The following PHACTR2 variants were observed in gnomAD, a reference collection of about 807,000 sequenced individuals.
The protein encoded by PHACTR2 is phosphatase and actin regulator 2.
In PHACTR2, 30 loss-of-function variants were observed where a neutral mutation model predicts 76.0. The observed-to-expected ratio is 0.39, with a 90% confidence interval of 0.30 to 0.54. The LOEUF is 0.54. PHACTR2 is among the 20% of genes least tolerant of loss of function. PHACTR2 has a pLI of 0.61. For missense variants in PHACTR2, 696 were observed against 781.1 expected (o/e 0.89, Z 1.30); for synonymous variants, 292 against 292.5 (o/e 1.00, Z 0.02).
chr6:143,692,630 C>A (rs1428712433), intron 1 of PHACTR2, among the ~76,000 whole-genome samples: 1 of 152,158 alleles, frequency 6.6e-6, no homozygotes, highest in Non-Finnish European at 1.5e-5. Flanking sequence ...CACACGTATA[C>A]CTCATTTTCC....
chr6:143,626,280 G>A (rs1459189479), intron 1 of PHACTR2, among the ~76,000 whole-genome samples: 3 of 152,106 alleles, frequency 2.0e-5, no homozygotes, highest in Admixed American at 6.5e-5. Flanking sequence ...GCTCACGCCC[G>A]TAATCCCAGC....
rs1012568444 is a variant in PHACTR2, at chr6:143,585,534, C to T, written c.217+48327C>T. On this transcript the variant is annotated intron_variant, in intron 1 of 11. Coordinates refer to the PHACTR2 transcript ENST00000367584. The surrounding 1 kb of genome is among the most constrained non-coding windows in gnomAD (Gnocchi z 5.2). Reference sequence around the variant, plus strand: ...AGAGCTGCCAGTGCCGCATACCAAGCAGGAGGCCATACTGTGGCCCTGTAG... The same window carrying T: ...AGAGCTGCCAGTGCCGCATACCAAGTAGGAGGCCATACTGTGGCCCTGTAG... 6.6e-6 allele frequency among the ~76,000 whole-genome samples: 1 copy of T among 152,134 alleles called. No individual in the cohort carries two copies. The highest frequency in any genetic ancestry group is 1.5e-5 in the Non-Finnish European group (1 of 68,036).
chr6:143,604,589 A>G (rs569451669), upstream of PHACTR2, among the ~76,000 whole-genome samples: 1 of 152,270 alleles, frequency 6.6e-6, no homozygotes, highest in African/African-American at 2.4e-5. Flanking sequence ...AGGAAAGTTA[A>G]GAAGTAATGT....
Position 143,736,656 on chromosome 6 carries a change from G to T in PHACTR2, c.215-12329G>T, listed in dbSNP as rs542839588. ...GTGGCAAGATCTCGGCTCACTGCAAGCCCCGCCTCCCAGGTTCAAGCCATT... is the reference window on the plus strand; with the variant it reads ...GTGGCAAGATCTCGGCTCACTGCAATCCCCGCCTCCCAGGTTCAAGCCATT... On this transcript the variant is annotated intron_variant, in intron 2 of 12. Transcript: ENST00000440869. 6.0e-3 allele frequency among the ~76,000 whole-genome samples: 738 copies of T among 122,634 alleles called. 5 individuals are homozygous for T. The highest frequency in any genetic ancestry group is 0.022 in the African/African-American group (705 of 32,590). 80.5% of individuals were successfully genotyped at this position (122,634 alleles called of 152,430 possible).
At chr6:143,740,436 G>C (rs966152218) in intron 2 of PHACTR2, among the ~76,000 whole-genome samples, 1 of 149,298 alleles carries the variant, frequency 6.7e-6, no homozygotes, top group Non-Finnish European at 1.5e-5. Flanking sequence ...ATTCAAGATG[G>C]AGTTGCTCTG....
In PHACTR2 at chr6:143,696,467, C is replaced by T. The variant is rs1432056153; in HGVS notation, c.47-15549C>T. The stretch of plus-strand genomic sequence containing the variant: ...AAAACCTCTTATCAGCCTTTTTCCA[C>T]TTGCTTACATGTATTATCTCTATTA... On this transcript the variant is annotated intron_variant, in intron 1 of 12. Transcript: ENST00000440869. The surrounding 1 kb of genome is among the most constrained non-coding windows in gnomAD (Gnocchi z 4.1). 3.3e-5 allele frequency among the ~76,000 whole-genome samples: 5 copies of T among 152,158 alleles called. No individual in the cohort carries two copies. The highest frequency in any genetic ancestry group is 1.2e-4 in the African/African-American group (5 of 41,436).
chr6:143,772,537 A>AT lies in PHACTR2; in HGVS notation c.1432+82dup. ...GCAGTTTATAAAGAATAAAAGCCTC[A>AT]TTAGGAACCAGACATCTGATGTTTT... On this transcript the variant is annotated intron_variant, in intron 7 of 12. Transcript: ENST00000440869. This position sits in a 1 kb window ranked among gnomAD's most constrained non-coding sequence, Gnocchi z 5.4. The AT allele has an allele frequency of 1.0e-6, 1 of 967,602 alleles. No homozygotes were observed. The highest frequency in any genetic ancestry group is 1.4e-5 in the South Asian group (1 of 69,638). 59.9% of individuals were successfully genotyped at this position (967,602 alleles called of 1,614,324 possible). A position where few individuals can be genotyped will look rare whatever the true frequency, so the allele number is the denominator to read the frequency against.
chr6:143,755,172 A>G lies in PHACTR2; in HGVS notation c.454+1260A>G, dbSNP rs1397347432. On this transcript the variant is annotated intron_variant, in intron 4 of 12. Transcript: ENST00000440869. This position sits in a 1 kb window ranked among gnomAD's most constrained non-coding sequence, Gnocchi z 5.2. ...ATGTACACAAATTATGAAATTAACT[A>G]ATACTTTCAATGATAATATTCCTGG... The G allele has an allele frequency of 6.9e-6, 3 of 433,066 alleles. No homozygotes were observed. Among genetic ancestry groups the G allele is most frequent in the African/African-American group, 2.0e-5 (1 of 49,444 alleles). The allele number at this position is 433,066 out of a possible 1,614,324, so 26.8% of individuals were successfully genotyped here. A position where few individuals can be genotyped will look rare whatever the true frequency, so the allele number is the denominator to read the frequency against.
rs1778877338 is a variant in PHACTR2 at position 143,738,876 on chromosome 6, A to G, written c.215-10109A>G. On this transcript the variant is annotated intron_variant, in intron 2 of 12. Transcript: ENST00000440869. This position sits in a 1 kb window ranked among gnomAD's most constrained non-coding sequence, Gnocchi z 4.0. ...ATCTTGCTTGCTGTTGACTGATGAA[A>G]TGAGATATTATCCCATCTTGATCAA... Among the ~76,000 whole-genome samples the G allele has an allele frequency of 6.6e-6, 1 of 152,238 alleles. No individual in the cohort carries two copies. The highest frequency in any genetic ancestry group is 2.1e-4 in the South Asian group (1 of 4,836).
intron 1 of PHACTR2, among the ~76,000 whole-genome samples, chr6:143,572,522 T>G (rs892891220): frequency 6.6e-6 from 1 of 152,212 alleles, no homozygotes; most frequent in Non-Finnish European, 1.5e-5. Context: ...TTTTTTTGTT[T>G]GTTTGTTTTT....
In PHACTR2 at chr6:143,537,378, T is replaced by A. The variant is rs931154074; in HGVS notation, c.217+171T>A. Among the ~76,000 whole-genome samples the A allele has an allele frequency of 1.3e-5, 2 of 151,892 alleles. No individual in the cohort carries two copies. Among genetic ancestry groups the A allele is most frequent in the Non-Finnish European group, 2.9e-5 (2 of 67,930 alleles). ...CTGAACTCCCCACACTGCCGCCTCC[T>A]CGGCCGCCCGGGCTCGGCGACCCTA... On this transcript the variant is annotated intron_variant, in intron 1 of 11. Coordinates refer to the PHACTR2 transcript ENST00000367584. This position sits in a 1 kb window ranked among gnomAD's most constrained non-coding sequence, Gnocchi z 4.4.
At chr6:143,713,912 G>T (rs966518596) in intron 2 of PHACTR2, among the ~76,000 whole-genome samples, 9 of 152,144 alleles carry the variant, frequency 5.9e-5, no homozygotes, top group Non-Finnish European at 1.3e-4. Flanking sequence ...CGTAACGTAC[G>T]AAAACGAACA....
rs1775455778 is a variant in PHACTR2, at chr6:143,782,550, A to G, written c.1646-669A>G. 6.6e-6 allele frequency among the ~76,000 whole-genome samples: 1 copy of G among 152,226 alleles called. No homozygotes were observed. The highest frequency in any genetic ancestry group is 2.4e-5 in the African/African-American group (1 of 41,460). On this transcript the variant is annotated intron_variant, in intron 9 of 12. Coordinates refer to ENST00000440869, the MANE Select transcript of PHACTR2 (RefSeq NM_001100164.2). The surrounding 1 kb of genome is among the most constrained non-coding windows in gnomAD (Gnocchi z 4.6). ...CTGTTGGGCAGCATAAAATCGTACT[A>G]CTTGGTGAATCACTAGAGAACGAGA...
At chr6:143,690,543 A>G (rs1777620726) in intron 1 of PHACTR2, among the ~76,000 whole-genome samples, 1 of 152,072 alleles carries the variant, frequency 6.6e-6, no homozygotes, top group African/African-American at 2.4e-5. Context: ...CTTGGTCGAG[A>G]GCTTGGCTGG....
chr6:143,687,627 A>G (rs1777553568), intron 1 of PHACTR2, among the ~76,000 whole-genome samples: 2 of 152,352 alleles, frequency 1.3e-5, no homozygotes, highest in Admixed American at 1.3e-4. Flanking sequence ...GGTCGGTCTA[A>G]CCATTATCAT....
In PHACTR2 at chr6:143,696,825, G is replaced by A. The variant is rs1325268838; in HGVS notation, c.47-15191G>A. On this transcript the variant is annotated intron_variant, in intron 1 of 12. Transcript: ENST00000440869. The surrounding 1 kb of genome is among the most constrained non-coding windows in gnomAD (Gnocchi z 4.1). ...CTAAGTGTCAGCCCTCTCTCCACTTGTGTTTGCTCCCCTTAGGGTACTGTT... is the reference window on the plus strand; with the variant it reads ...CTAAGTGTCAGCCCTCTCTCCACTTATGTTTGCTCCCCTTAGGGTACTGTT... 2.6e-5 allele frequency among the ~76,000 whole-genome samples: 4 copies of A among 152,168 alleles called. No individual in the cohort carries two copies. Among genetic ancestry groups the A allele is most frequent in the Non-Finnish European group, 5.9e-5 (4 of 68,034 alleles).
rs1206544598 is a variant in PHACTR2 at position 143,672,302 on chromosome 6, T to A, written c.14-39714T>A. ...CCTATCTCTACAAAAAAAAAAAAAA[T>A]TACAAATAATTAGCTGGGCATGGTG... On this transcript the variant is annotated intron_variant, in intron 1 of 11. Transcript: ENST00000305766. This position sits in a 1 kb window ranked among gnomAD's most constrained non-coding sequence, Gnocchi z 5.8. Among the ~76,000 whole-genome samples the A allele has an allele frequency of 4.2e-4, 63 of 148,726 alleles. No homozygotes were observed. The highest frequency in any genetic ancestry group is 1.3e-4 in the Admixed American group (2 of 14,954).
chr6:143,783,873 G>C lies in PHACTR2; in HGVS notation c.1707+593G>C, dbSNP rs1297506361. Among the ~76,000 whole-genome samples the C allele has an allele frequency of 6.6e-6, 1 of 151,844 alleles. No homozygotes were observed. Among genetic ancestry groups the C allele is most frequent in the East Asian group, 1.9e-4 (1 of 5,188 alleles). ...TATTTCCATTTTAAAAAATTGTTTT[G>C]AGTCAGGTGCAATGGCACGCACCTG... On this transcript the variant is annotated intron_variant, in intron 10 of 12. Transcript: ENST00000440869. The surrounding 1 kb of genome is among the most constrained non-coding windows in gnomAD (Gnocchi z 5.2).
Position 143,597,055 on chromosome 6 carries a change from C to A in PHACTR2, c.217+59848C>A, listed in dbSNP as rs893574917. Among the ~76,000 whole-genome samples, 3 of 152,194 alleles carry A rather than the reference C, an allele frequency of 2.0e-5. No homozygotes were observed. Among genetic ancestry groups the A allele is most frequent in the Non-Finnish European group, 4.4e-5 (3 of 68,036 alleles). On this transcript the variant is annotated intron_variant, in intron 1 of 11. Transcript: ENST00000367584. This position sits in a 1 kb window ranked among gnomAD's most constrained non-coding sequence, Gnocchi z 5.7. ...CTGCTCCCAGTATGCACATCAAGGT[C>A]ACATTCTTCTGCTCTATACTCTGGA... is the stretch of plus-strand genomic sequence containing the variant.
Sources: allele counts gnomAD v4.1 joint callset (sites outside exome capture counted in the v4.1 genomes callset), GRCh38; gene constraint gnomAD v4.1.1; non-coding constraint Gnocchi (gnomAD v3.1); transcripts MANE v1.5; gene names NCBI Gene and HGNC (gene_info 2026-07-23, HGNC 2026-07-21).